Variants in AMPH observed in about 807,000 individuals in gnomAD.
AMPH encodes the protein amphiphysin, also known as amphiphysin (Stiff-Mann syndrome with breast cancer 128kD autoantigen).
A neutral mutation model predicts 99.1 loss-of-function variants in AMPH; 49 were observed. The observed-to-expected ratio is 0.49, with a 90% CI of 0.39 to 0.63. AMPH has a LOEUF of 0.63. Ranked by LOEUF, AMPH falls within the 20% of genes least tolerant of loss-of-function variation. The pLI, the probability that AMPH is intolerant of heterozygous loss-of-function variation, is 0.00. For synonymous variants in AMPH, 314 were observed against 317.3 expected (o/e 0.99, Z 0.11); for missense variants, 759 against 863.4 (o/e 0.88, Z 1.52).
At chr7:38,610,334 AAAAG>A (rs1793616686) in intron 1 of AMPH, among the ~76,000 whole-genome samples, 1 of 23,142 alleles carries the variant, frequency 4.3e-5, no homozygotes, top group Non-Finnish European at 8.8e-5. Flanking sequence ...AAGAAAAGAA[AAAAG>A]AAAAGAAAAG....
In AMPH at chr7:38,476,853, A is replaced by G; in HGVS notation, c.504+9T>C. 6.2e-7 allele frequency: 1 copy of G among 1,609,352 alleles called. No individual in the cohort carries two copies. Among genetic ancestry groups the G allele is most frequent in the Non-Finnish European group, 8.5e-7 (1 of 1,175,802 alleles). The stretch of plus-strand genomic sequence containing the variant: ...GGAGAGTGGTATTCACCATGGGCTC[A>G]ATCCCTACCTTAGAGATTCGACTCT... On this transcript the variant is annotated intron_variant, in intron 6 of 20. Coordinates refer to ENST00000356264, the MANE Select transcript of AMPH (RefSeq NM_001635.4).
chr7:38,437,375 C>T (rs1032453221), intron 11 of AMPH, among the ~76,000 whole-genome samples: 4 of 151,892 alleles, frequency 2.6e-5, no homozygotes, highest in Non-Finnish European at 4.4e-5. Flanking sequence ...GAAATTGAAA[C>T]GTCAAACCAA....
chr7:38,454,955 G>A (rs1028202553), intron 11 of AMPH, among the ~76,000 whole-genome samples: 5 of 152,112 alleles, frequency 3.3e-5, no homozygotes, highest in African/African-American at 1.2e-4. Context: ...ATACATGATA[G>A]TACAGTCTCA....
intron 7 of AMPH, among the ~76,000 whole-genome samples, chr7:38,474,376 C>T (rs1788007737): frequency 6.6e-6 from 1 of 152,084 alleles, no homozygotes; most frequent in Non-Finnish European, 1.5e-5. Context: ...TGGCTGGACA[C>T]TGAGGTAAAA....
chr7:38,532,775 G>A (rs145393224), intron 2 of AMPH, among the ~76,000 whole-genome samples: 190 of 151,174 alleles, frequency 1.3e-3, no homozygotes, highest in Non-Finnish European at 1.9e-3. Context: ...CACTGTAATC[G>A]GAAAATGCAA....
chr7:38,527,459 T>G (rs6962078), intron 2 of AMPH, among the ~76,000 whole-genome samples: 1 of 152,026 alleles, frequency 6.6e-6, no homozygotes, highest in South Asian at 2.1e-4. Flanking sequence ...AGATCCTGTA[T>G]GTGTTTTGTT....
At chr7:38,571,342 AAT>A (rs146138926) in intron 1 of AMPH, among the ~76,000 whole-genome samples, 29,835 of 50,982 alleles carry the variant, frequency 0.59, 7,477 homozygotes, top group African/African-American at 0.64. Context: ...TTATATATAG[AAT>A]ATATATATTT....
At chr7:38,626,439 TG>T (rs1386869111) in intron 1 of AMPH, among the ~76,000 whole-genome samples, 1 of 152,104 alleles carries the variant, frequency 6.6e-6, no homozygotes, top group Admixed American at 6.6e-5. Context: ...AAATAAGCAA[TG>T]GGGAAAGGAG....
At chr7:38,417,730 AAG>A (rs1785431968) in intron 17 of AMPH, 93 bp downstream of exon 17, 5 of 1,511,704 alleles carry the variant, frequency 3.3e-6, no homozygotes, top group Non-Finnish European at 4.5e-6. Flanking sequence ...TGTTTGGCCC[AAG>A]TGAGGCAAAG....
intron 11 of AMPH, among the ~76,000 whole-genome samples, chr7:38,455,359 C>T (rs1327137751): frequency 6.6e-6 from 1 of 152,198 alleles, no homozygotes. Context: ...GTGTGAGCCA[C>T]TGCGCCCAGC....
chr7:38,498,913 T>C (rs1789029138), intron 3 of AMPH, among the ~76,000 whole-genome samples: 1 of 152,178 alleles, frequency 6.6e-6, no homozygotes, highest in Admixed American at 6.5e-5. Flanking sequence ...CTCTGTTTGT[T>C]CCCTCAAGAA....
At chr7:38,425,387 G>T (rs1398820354) in intron 15 of AMPH, among the ~76,000 whole-genome samples, 1 of 152,172 alleles carries the variant, frequency 6.6e-6, no homozygotes, top group Non-Finnish European at 1.5e-5. Flanking sequence ...TAGGAGATTT[G>T]TATAACTATA....
At chr7:38,506,784 G>A (rs1391522314) in intron 2 of AMPH, among the ~76,000 whole-genome samples, 1 of 152,198 alleles carries the variant, frequency 6.6e-6, no homozygotes, top group Non-Finnish European at 1.5e-5. Flanking sequence ...CACCTCTTAA[G>A]AAGTCGGATA....
intron 2 of AMPH, among the ~76,000 whole-genome samples, chr7:38,525,277 T>TATATATATAGAGAGAGAGAGAG (rs1481528083): frequency 1.2e-5 from 1 of 86,662 alleles, no homozygotes; most frequent in African/African-American, 4.7e-5. Context: ...TATATATATA[T>TATATATATAGAGAGAGAGAGAG]AGAGAGAGAG....
intron 1 of AMPH, among the ~76,000 whole-genome samples, chr7:38,575,051 TAAA>T (rs3056279): frequency 5.5e-4 from 58 of 105,282 alleles, no homozygotes; most frequent in South Asian, 1.1e-3. Flanking sequence ...AGACTCTGTC[TAAA>T]AAAAAAAAAA....
Position 38,501,149 on chromosome 7 carries a change from C to T in AMPH, c.205+2501G>A, listed in dbSNP as rs184749930. 1.1e-4 allele frequency among the ~76,000 whole-genome samples: 16 copies of T among 152,282 alleles called. No homozygotes were observed. In the East Asian group the frequency reaches 2.9e-3, roughly 28 times the overall value. Reference sequence around the variant, plus strand: ...CTGGCCCTGTTGTTTCCTTGGCATGCAACCTTGGATGAGCTATTTAAACTC... The same window carrying T: ...CTGGCCCTGTTGTTTCCTTGGCATGTAACCTTGGATGAGCTATTTAAACTC... On this transcript the variant is annotated intron_variant, in intron 3 of 20. Transcript: ENST00000356264.
chr7:38,432,164 A>G, intron 13 of AMPH, 25 bp downstream of exon 13: 1 of 1,606,888 alleles, frequency 6.2e-7, no homozygotes, highest in Non-Finnish European at 8.5e-7. Flanking sequence ...AGATACATGA[A>G]AAAACAGAGT....
chr7:38,527,565 T>C (rs1282273235), intron 2 of AMPH, among the ~76,000 whole-genome samples: 1 of 152,222 alleles, frequency 6.6e-6, no homozygotes, highest in East Asian at 1.9e-4. Flanking sequence ...TATATAGAAA[T>C]GTGATTGATA....
intron 1 of AMPH, among the ~76,000 whole-genome samples, chr7:38,590,304 C>T (rs529999268): frequency 2.3e-4 from 35 of 152,298 alleles, no homozygotes; most frequent in East Asian, 7.7e-4. Flanking sequence ...GGAGCAGCAA[C>T]GGATGCCTCG....
Sources: gnomAD v4.1 joint callset for allele counts (sites outside exome capture counted in the v4.1 genomes callset) on GRCh38, gnomAD v4.1.1 for gene constraint, MANE v1.5 for transcripts, NCBI Gene and HGNC (gene_info 2026-07-23, HGNC 2026-07-21) for gene names.